The following OTUD6B variants were observed in gnomAD, a reference collection of about 807,000 sequenced individuals.
OTUD6B encodes the protein deubiquitinase OTUD6B.
Under a neutral mutation model 36.9 loss-of-function variants are expected in OTUD6B, and 41 were observed. The ratio of observed to expected loss-of-function variants is 1.11; its 90% confidence interval spans 0.87 to 1.44. The LOEUF (loss-of-function observed/expected upper bound fraction) is 1.44. Among genes scored for constraint, OTUD6B ranks in the 40% most tolerant of loss-of-function variants. OTUD6B has a pLI of 0.00. For missense variants in OTUD6B, 356 were observed against 344.8 expected (o/e 1.03, Z -0.26); for synonymous variants, 114 against 114.2 (o/e 1.00, Z 0.01).
intron 2 of OTUD6B, 61 bp from the exon 3 acceptor site, chr8:91,073,770 T>C (rs2130428062): frequency 6.8e-7 from 1 of 1,477,778 alleles, no homozygotes; most frequent in African/African-American, 1.4e-5. Flanking sequence ...ATTAGATATA[T>C]TTATGATTTT....
chr8:91,084,115 G>T lies in OTUD6B; in HGVS notation c.797+1G>T. On this transcript the variant is annotated splice_donor_variant, in intron 6 of 6. Transcript: ENST00000404789. LOFTEE classifies it high-confidence loss of function. ...ATTCAAAAAAACCACTAATACTTGT[G>T]TAAGTACCTAGACATTTTTACTGTT... 2 of 1,441,344 alleles carry T rather than the reference G, an allele frequency of 1.4e-6. No individual in the cohort carries two copies. Among genetic ancestry groups the T allele is most frequent in the Non-Finnish European group, 1.9e-6 (2 of 1,053,782 alleles). The allele number at this position is 1,441,344 out of a possible 1,614,324, so 89.3% of individuals were successfully genotyped here.
At position 91,071,169 on chromosome 8, in the gene OTUD6B, C is replaced by G; in HGVS notation, c.114C>G (p.Pro38=). 6.2e-7 allele frequency: 1 copy of G among 1,613,322 alleles called. No individual in the cohort carries two copies. The highest frequency in any genetic ancestry group is 8.5e-7 in the Non-Finnish European group (1 of 1,179,692). ...TTCAGGGCATGAAGAATGCTGTTCC[C>G]AAGAATGACAAGAAGAGGAGGAAGC... is the stretch of plus-strand genomic sequence containing the variant. ...AKIQGMKNAV[P]KNDKKRRKQL... The change falls in exon 2 of 7, where the codon CCC becomes CCG. Residue 38 remains proline (P), a synonymous_variant. Coordinates refer to ENST00000404789, the MANE Select transcript of OTUD6B (RefSeq NM_016023.5).
chr8:91,080,185 T>C (rs1295001328), intron 4 of OTUD6B, among the ~76,000 whole-genome samples: 2 of 152,154 alleles, frequency 1.3e-5, no homozygotes, highest in Non-Finnish European at 2.9e-5. Context: ...TTTGACGCTA[T>C]CTCTGGGGAA....
chr8:91,072,532 T>TGAC (rs1473701027), intron 2 of OTUD6B, among the ~76,000 whole-genome samples: 3 of 152,226 alleles, frequency 2.0e-5, no homozygotes, highest in Non-Finnish European at 4.4e-5. Flanking sequence ...GGTTTGCTGT[T>TGAC]GACAAGTACA....
Position 91,070,354 on chromosome 8 carries a change from T to C in OTUD6B, c.-31T>C. On this transcript the variant is annotated 5_prime_UTR_variant, in exon 1 of 7. Transcript: ENST00000404789. ...TGCCTACTAGCCGGTGCAGGTTTCT[T>C]CTAGCGCGTGTGCTGGGGTACCTGG... 1.9e-6 allele frequency: 3 copies of C among 1,613,014 alleles called. No homozygotes were observed. The highest frequency in any genetic ancestry group is 2.5e-6 in the Non-Finnish European group (3 of 1,179,488).
In OTUD6B at chr8:91,085,069, G is replaced by T; in HGVS notation, c.*201G>T. Reference sequence around the variant, plus strand: ...CTTCTTAGTGGAATTTTAAAAATTTGTTAAGTTCATTGTAGAGAACACCAT... The same window carrying T: ...CTTCTTAGTGGAATTTTAAAAATTTTTTAAGTTCATTGTAGAGAACACCAT... On this transcript the variant is annotated 3_prime_UTR_variant, in exon 7 of 7. Coordinates refer to ENST00000404789, the MANE Select transcript of OTUD6B (RefSeq NM_016023.5). 3.1e-6 allele frequency: 1 copy of T among 318,900 alleles called. No homozygotes were observed. Among genetic ancestry groups the T allele is most frequent in the Non-Finnish European group, 5.8e-6 (1 of 172,580 alleles). 19.8% of individuals were successfully genotyped at this position (318,900 alleles called of 1,614,324 possible). A position where few individuals can be genotyped will look rare whatever the true frequency, so the allele number is the denominator to read the frequency against.
intron 2 of OTUD6B, among the ~76,000 whole-genome samples, chr8:91,071,942 A>G (rs1205021950): frequency 6.6e-6 from 1 of 152,234 alleles, no homozygotes; most frequent in East Asian, 1.9e-4. Context: ...AAATTTTCCC[A>G]CATATATAAT....
rs989418283 is a variant in OTUD6B at position 91,083,633 on chromosome 8, C to A, written c.691-375C>A. ...GTCACAGTTCAAACTTAGTTTCATGCACAAAGTTATTTAAAATGTATAAAA... is the reference window on the plus strand; with the variant it reads ...GTCACAGTTCAAACTTAGTTTCATGAACAAAGTTATTTAAAATGTATAAAA... On this transcript the variant is annotated intron_variant, in intron 5 of 6. Coordinates refer to ENST00000404789, the MANE Select transcript of OTUD6B (RefSeq NM_016023.5). 9.2e-5 allele frequency among the ~76,000 whole-genome samples: 14 copies of A among 152,046 alleles called. 1 individual carries two copies. Among genetic ancestry groups the A allele is most frequent in the Admixed American group, 8.5e-4 (13 of 15,256 alleles).
At chr8:91,071,643 C>T (rs1480085515) in intron 2 of OTUD6B, among the ~76,000 whole-genome samples, 4 of 152,170 alleles carry the variant, frequency 2.6e-5, no homozygotes, top group African/African-American at 9.7e-5. Flanking sequence ...CCACCGTGCC[C>T]GGCCCTGTTA....
At chr8:91,076,676 C>T (rs957645054) in intron 3 of OTUD6B, 86 of 1,420,390 alleles carry the variant, frequency 6.1e-5, no homozygotes, top group Non-Finnish European at 7.1e-5. Flanking sequence ...AATCTTTCTG[C>T]GTGCTGTTTC....
chr8:91,078,679 T>A lies in OTUD6B; in HGVS notation c.628+11T>A. 1 of 1,508,142 alleles carries A rather than the reference T, an allele frequency of 6.6e-7. No homozygotes were observed. Among genetic ancestry groups the A allele is most frequent in the Non-Finnish European group, 9.0e-7 (1 of 1,115,806 alleles). The allele number at this position is 1,508,142 out of a possible 1,614,324, so 93.4% of individuals were successfully genotyped here. Reference sequence around the variant, plus strand: ...ATATGTATACTCCAGGTAATTTATTTTTCTTTACTATGTTTTATTGTTGCT... The same window carrying A: ...ATATGTATACTCCAGGTAATTTATTATTCTTTACTATGTTTTATTGTTGCT... On this transcript the variant is annotated intron_variant, in intron 4 of 6. Coordinates refer to ENST00000404789, the MANE Select transcript of OTUD6B (RefSeq NM_016023.5).
chr8:91,078,106 C>A, intron 3 of OTUD6B: 2 of 285,720 alleles, frequency 7.0e-6, no homozygotes, highest in Non-Finnish European at 1.1e-5. Flanking sequence ...TTTAAGTAGA[C>A]TTTAAAGAAA....
At chr8:91,073,780 T>C in intron 2 of OTUD6B, 51 bp from the exon 3 acceptor site, 1 of 1,488,816 alleles carries the variant, frequency 6.7e-7, no homozygotes, top group Non-Finnish European at 9.1e-7. Context: ...TTTATGATTT[T>C]CAGTAATTTA....
intron 3 of OTUD6B, among the ~76,000 whole-genome samples, chr8:91,075,745 A>T (rs1461435261): frequency 6.6e-6 from 1 of 152,080 alleles, no homozygotes; most frequent in Non-Finnish European, 1.5e-5. Flanking sequence ...AGAAAATGGA[A>T]CCTGAAGTCA....
intron 3 of OTUD6B, among the ~76,000 whole-genome samples, chr8:91,075,850 G>A (rs1812794738): frequency 1.3e-5 from 2 of 151,966 alleles, no homozygotes; most frequent in South Asian, 2.1e-4. Context: ...TTTATCTTTG[G>A]GAAGGATACA....
rs1812992598 is a variant in OTUD6B at position 91,085,224 on chromosome 8, C to T, written c.*356C>T. The T allele has an allele frequency of 6.5e-6, 1 of 154,894 alleles. No homozygotes were observed. The highest frequency in any genetic ancestry group is 2.4e-5 in the African/African-American group (1 of 41,558). The allele number at this position is 154,894 out of a possible 1,614,324, so 9.6% of individuals were successfully genotyped here. A position where few individuals can be genotyped will look rare whatever the true frequency, so the allele number is the denominator to read the frequency against. On this transcript the variant is annotated 3_prime_UTR_variant, in exon 7 of 7. Transcript: ENST00000404789. ...TTTTCTGCCTGTTCCTAAAAACTTT[C>T]AAAATAACCATTTCAATGTAATTTG...
At chr8:91,071,498 G>A (rs1446214818) in intron 2 of OTUD6B, among the ~76,000 whole-genome samples, 1 of 151,774 alleles carries the variant, frequency 6.6e-6, no homozygotes, top group Non-Finnish European at 1.5e-5. Flanking sequence ...ACGGGCGCCC[G>A]CCACTACGCC....
intron 5 of OTUD6B, among the ~76,000 whole-genome samples, chr8:91,081,003 A>T (rs938998987): frequency 6.6e-6 from 1 of 152,198 alleles, no homozygotes. Context: ...AAGTCTTTTC[A>T]TCGTGATAGT....
chr8:91,072,154 G>A (rs1030698521), intron 2 of OTUD6B, among the ~76,000 whole-genome samples: 1 of 152,154 alleles, frequency 6.6e-6, no homozygotes, highest in African/African-American at 2.4e-5. Flanking sequence ...TAATATATAT[G>A]TGTCAAATAC....
Sources: allele counts gnomAD v4.1 joint callset (sites outside exome capture counted in the v4.1 genomes callset), GRCh38; gene constraint gnomAD v4.1.1; transcripts MANE v1.5; gene names NCBI Gene and HGNC (gene_info 2026-07-23, HGNC 2026-07-21).